MNAT1: variants seen among roughly 807,000 people sequenced by gnomAD.
MNAT1 encodes CDK-activating kinase assembly factor MAT1.
In MNAT1, 43 loss-of-function variants were observed where a neutral mutation model predicts 42.0. The ratio of observed to expected loss-of-function variants is 1.02; its 90% CI spans 0.80 to 1.32. MNAT1 has a LOEUF of 1.32. MNAT1 is among the 40% of genes most tolerant of loss of function. MNAT1 has a pLI of 0.00. For missense variants in MNAT1, 306 were observed against 350.4 expected (o/e 0.87, Z 1.01); for synonymous variants, 118 against 120.0 (o/e 0.98, Z 0.11).
chr14:60,750,581 G>T (rs2030043853), intron 1 of MNAT1, among the ~76,000 whole-genome samples: 1 of 137,592 alleles, frequency 7.3e-6, no homozygotes, highest in South Asian at 2.4e-4. Context: ...AAAGTTTATA[G>T]TTATAGAAAT....
At chr14:60,751,650 TACAA>T (rs2030098092) in intron 1 of MNAT1, among the ~76,000 whole-genome samples, 1 of 151,896 alleles carries the variant, frequency 6.6e-6, no homozygotes, top group African/African-American at 2.4e-5. Context: ...TATTTACATG[TACAA>T]ACAAATATAT....
At chr14:60,854,212 A>G (rs2033898998) in intron 6 of MNAT1, among the ~76,000 whole-genome samples, 1 of 152,036 alleles carries the variant, frequency 6.6e-6, no homozygotes, top group Non-Finnish European at 1.5e-5. Flanking sequence ...ACTTTTTGTC[A>G]AGGTTTTTAA....
chr14:60,842,409 A>G (rs1001574740), intron 6 of MNAT1, among the ~76,000 whole-genome samples: 2 of 152,050 alleles, frequency 1.3e-5, no homozygotes, highest in Non-Finnish European at 2.9e-5. Flanking sequence ...TTCTCTATGT[A>G]TTATAGCCTG....
intron 1 of MNAT1, among the ~76,000 whole-genome samples, chr14:60,760,075 G>C (rs1184296078): frequency 1.3e-5 from 2 of 152,110 alleles, no homozygotes; most frequent in Non-Finnish European, 2.9e-5. Context: ...GTTGCAAACA[G>C]TTTTGGTACA....
chr14:60,906,824 C>T (rs1274395745), intron 7 of MNAT1, among the ~76,000 whole-genome samples: 1 of 152,146 alleles, frequency 6.6e-6, no homozygotes, highest in Non-Finnish European at 1.5e-5. Flanking sequence ...TCTCAAAAAT[C>T]ACTGTAATTA....
chr14:60,967,553 G>A (rs2036704445), intron 7 of MNAT1, among the ~76,000 whole-genome samples: 1 of 151,744 alleles, frequency 6.6e-6, no homozygotes, highest in Admixed American at 6.6e-5. Context: ...ATGTTTAATT[G>A]CTTTAAAAAA....
intron 6 of MNAT1, among the ~76,000 whole-genome samples, chr14:60,830,199 G>A (rs2033175630): frequency 6.6e-6 from 1 of 152,166 alleles, no homozygotes; most frequent in African/African-American, 2.4e-5. Context: ...TGAGTATGTG[G>A]AAGAATTGTT....
intron 1 of MNAT1, among the ~76,000 whole-genome samples, chr14:60,749,120 G>A (rs770903194): frequency 6.6e-6 from 1 of 152,152 alleles, no homozygotes; most frequent in Non-Finnish European, 1.5e-5. Flanking sequence ...TGTAGTGCAT[G>A]ACTATATATA....
chr14:60,739,447 G>A (rs1456295024), intron 1 of MNAT1, among the ~76,000 whole-genome samples: 1 of 151,906 alleles, frequency 6.6e-6, no homozygotes, highest in African/African-American at 2.4e-5. Flanking sequence ...GTGATAAAGT[G>A]AGTAGGAGTA....
chr14:60,953,747 T>C (rs922096326), intron 7 of MNAT1, among the ~76,000 whole-genome samples: 1 of 152,180 alleles, frequency 6.6e-6, no homozygotes, highest in African/African-American at 2.4e-5. Flanking sequence ...TCATTAACAC[T>C]GTACTAGGGG....
At chr14:60,880,563 A>C (rs2034529089) in intron 7 of MNAT1, among the ~76,000 whole-genome samples, 1 of 152,178 alleles carries the variant, frequency 6.6e-6, no homozygotes, top group Admixed American at 6.6e-5. Flanking sequence ...TACTGTGAAA[A>C]AAAAGTGGGT....
intron 1 of MNAT1, among the ~76,000 whole-genome samples, chr14:60,752,884 C>A (rs889514300): frequency 6.6e-6 from 1 of 152,208 alleles, no homozygotes; most frequent in Non-Finnish European, 1.5e-5. Flanking sequence ...CCTGCCTCAG[C>A]TTCCCGAGTA....
intron 1 of MNAT1, among the ~76,000 whole-genome samples, chr14:60,773,219 G>A (rs2031128689): frequency 2.0e-5 from 3 of 152,166 alleles, no homozygotes; most frequent in Admixed American, 2.0e-4. Context: ...TTACAGGCGT[G>A]AGCCACCACG....
At chr14:60,845,197 G>GTT (rs913551533) in intron 6 of MNAT1, among the ~76,000 whole-genome samples, 5 of 147,200 alleles carry the variant, frequency 3.4e-5, no homozygotes, top group Admixed American at 2.0e-4. Context: ...TGAAATTAAT[G>GTT]TTTTTTTTTT....
At chr14:60,739,578 C>G (rs1427478286) in intron 1 of MNAT1, among the ~76,000 whole-genome samples, 1 of 152,098 alleles carries the variant, frequency 6.6e-6, no homozygotes, top group Non-Finnish European at 1.5e-5. Flanking sequence ...ATACCTTTGT[C>G]TCTTAGCTGC....
At chr14:60,736,624 A>G (rs1896315969) in intron 1 of MNAT1, among the ~76,000 whole-genome samples, 1 of 152,176 alleles carries the variant, frequency 6.6e-6, no homozygotes, top group Non-Finnish European at 1.5e-5. Flanking sequence ...AAAATGAGTG[A>G]AAAGCTGTAG....
intron 1 of MNAT1, among the ~76,000 whole-genome samples, chr14:60,747,308 A>G (rs1175484308): frequency 6.6e-6 from 1 of 152,116 alleles, no homozygotes; most frequent in Non-Finnish European, 1.5e-5. Flanking sequence ...AATGATGGGT[A>G]TCCATTCTGA....
intron 5 of MNAT1, among the ~76,000 whole-genome samples, chr14:60,817,437 A>G (rs2032748468): frequency 6.6e-6 from 1 of 151,962 alleles, no homozygotes; most frequent in African/African-American, 2.4e-5. Context: ...CATCTTATAA[A>G]TAAATAAAAT....
intron 7 of MNAT1, among the ~76,000 whole-genome samples, chr14:60,953,690 G>A (rs1354468809): frequency 6.6e-6 from 1 of 152,116 alleles, no homozygotes; most frequent in Non-Finnish European, 1.5e-5. Flanking sequence ...TTAATTTTTT[G>A]AGGAACTTCC....
Sources: allele counts gnomAD v4.1 joint callset (sites outside exome capture counted in the v4.1 genomes callset), GRCh38; gene constraint gnomAD v4.1.1; transcripts MANE v1.5; gene names NCBI Gene and HGNC (gene_info 2026-07-23, HGNC 2026-07-21).